The following DPYD variants were observed in gnomAD, a reference collection of about 807,000 sequenced individuals.
DPYD encodes the protein dihydropyrimidine dehydrogenase.
Under a neutral mutation model 116.2 loss-of-function variants are expected in DPYD, and 109 were observed. The ratio of observed to expected loss-of-function variants is 0.94; its 90% CI spans 0.80 to 1.10. The LOEUF is 1.10. DPYD is among the 50% of genes least tolerant of loss of function. The probability of loss-of-function intolerance (pLI) is 0.00; values close to 1 mark genes in which losing one functional copy is unlikely to be tolerated. For synonymous variants in DPYD, 440 were observed against 432.0 expected (o/e 1.02, Z -0.23); for missense variants, 1,302 against 1,254.5 (o/e 1.04, Z -0.57).
In DPYD at chr1:97,546,264, A is replaced by G. The variant is rs537263611; in HGVS notation, c.1524+3296T>C. ...CAAGAAAACTGCTAAATCAAAAAAA[A>G]AGAAACCTTTAAAAAAAAAAACCTG... On this transcript the variant is annotated intron_variant, in intron 12 of 22. Transcript: ENST00000370192. The G allele has an allele frequency of 1.5e-5, 23 of 1,484,064 alleles. No homozygotes were observed. The East Asian group carries it at 4.3e-4, about 28-fold the overall frequency. 91.9% of individuals were successfully genotyped at this position (1,484,064 alleles called of 1,614,324 possible).
At chr1:97,710,249 T>C (rs1309535316) in intron 5 of DPYD, among the ~76,000 whole-genome samples, 1 of 151,832 alleles carries the variant, frequency 6.6e-6, no homozygotes, top group Non-Finnish European at 1.5e-5. Context: ...AAATTGCTAT[T>C]TGTGCATCCA....
intron 19 of DPYD, among the ~76,000 whole-genome samples, chr1:97,230,638 T>C (rs925932179): frequency 3.9e-5 from 6 of 151,944 alleles, no homozygotes; most frequent in African/African-American, 1.5e-4. Context: ...AATAAAAGTT[T>C]AAAAAAAGAA....
At chr1:97,424,547 C>T (rs981060722) in intron 14 of DPYD, among the ~76,000 whole-genome samples, 2 of 152,052 alleles carry the variant, frequency 1.3e-5, no homozygotes, top group African/African-American at 4.8e-5. Flanking sequence ...AAAATGAACA[C>T]TGATTATAGT....
At chr1:97,236,822 AAT>A (rs1661965658) in intron 18 of DPYD, among the ~76,000 whole-genome samples, 1 of 152,210 alleles carries the variant, frequency 6.6e-6, no homozygotes, top group Non-Finnish European at 1.5e-5. Context: ...GAATGTTGAT[AAT>A]GAGGGAGGTC....
chr1:97,257,086 A>G (rs1269360652), intron 18 of DPYD, among the ~76,000 whole-genome samples: 3 of 152,086 alleles, frequency 2.0e-5, no homozygotes, highest in African/African-American at 7.2e-5. Context: ...TTAACATACC[A>G]CAATGGAAAG....
At chr1:97,483,252 T>G (rs1678423253) in intron 13 of DPYD, among the ~76,000 whole-genome samples, 1 of 152,210 alleles carries the variant, frequency 6.6e-6, no homozygotes, top group Non-Finnish European at 1.5e-5. Flanking sequence ...CCTATCAGAA[T>G]TTCTTTTTGG....
intron 3 of DPYD, among the ~76,000 whole-genome samples, chr1:97,766,575 T>C (rs1557944918): frequency 6.6e-6 from 1 of 152,178 alleles, no homozygotes; most frequent in East Asian, 1.9e-4. Context: ...GTAAAACCCT[T>C]TGTTAACACC....
At chr1:97,862,059 T>C (rs1050734131) in intron 2 of DPYD, among the ~76,000 whole-genome samples, 2 of 151,822 alleles carry the variant, frequency 1.3e-5, no homozygotes, top group Non-Finnish European at 2.9e-5. Flanking sequence ...ATCACTGACT[T>C]AGAAAATTAG....
At chr1:97,415,401 C>T (rs572246830) in intron 14 of DPYD, among the ~76,000 whole-genome samples, 2 of 152,282 alleles carry the variant, frequency 1.3e-5, no homozygotes, top group African/African-American at 2.4e-5. Flanking sequence ...AGTCTCGGCT[C>T]ACTGCAGCCT....
At chr1:97,440,204 T>C (rs1675694530) in intron 14 of DPYD, among the ~76,000 whole-genome samples, 1 of 148,462 alleles carries the variant, frequency 6.7e-6, no homozygotes, top group African/African-American at 2.5e-5. Context: ...GCAAAAGTTG[T>C]GGTGAGCCAA....
At chr1:97,903,521 T>C (rs888805172) in intron 1 of DPYD, among the ~76,000 whole-genome samples, 4 of 151,916 alleles carry the variant, frequency 2.6e-5, no homozygotes, top group African/African-American at 9.7e-5. Flanking sequence ...AGCAAATCAA[T>C]ATCTAACATG....
chr1:97,144,411 C>T (rs148768645), intron 20 of DPYD, among the ~76,000 whole-genome samples: 23 of 152,308 alleles, frequency 1.5e-4, no homozygotes, highest in East Asian at 3.9e-4. Context: ...TCATTCTACA[C>T]GAAAAGTTCA....
chr1:97,774,123 T>C (rs1666279956), intron 3 of DPYD, among the ~76,000 whole-genome samples: 1 of 152,258 alleles, frequency 6.6e-6, no homozygotes, highest in East Asian at 1.9e-4. Context: ...GGTTTGAGCT[T>C]TGGGACAATG....
chr1:97,633,189 T>C (rs1156886286), intron 8 of DPYD, among the ~76,000 whole-genome samples: 1 of 152,086 alleles, frequency 6.6e-6, no homozygotes, highest in Non-Finnish European at 1.5e-5. Flanking sequence ...AGATAGGATA[T>C]GACAACAATA....
At chr1:97,144,641 A>G (rs1219014535) in intron 20 of DPYD, among the ~76,000 whole-genome samples, 1 of 152,152 alleles carries the variant, frequency 6.6e-6, no homozygotes, top group Non-Finnish European at 1.5e-5. Flanking sequence ...GGGTTGTTGG[A>G]ATTTTTCTTG....
chr1:97,748,587 C>T (rs1386395451), intron 3 of DPYD, among the ~76,000 whole-genome samples: 3 of 151,990 alleles, frequency 2.0e-5, no homozygotes, highest in South Asian at 2.1e-4. Flanking sequence ...CCAGCCTGGG[C>T]GACAGAGCAA....
chr1:97,745,878 CCATCTCTTGATGA>C (rs764083337), intron 3 of DPYD, among the ~76,000 whole-genome samples: 15 of 151,994 alleles, frequency 9.9e-5, no homozygotes, highest in Admixed American at 2.0e-4. Flanking sequence ...TCTAGTGACC[CCATCTCTTGATGA>C]CATCAGTGCC....
chr1:97,821,033 T>C (rs1668899478), intron 3 of DPYD, among the ~76,000 whole-genome samples: 2 of 152,046 alleles, frequency 1.3e-5, no homozygotes, highest in Admixed American at 6.6e-5. Flanking sequence ...CATATATCTA[T>C]TACCCATAGC....
intron 20 of DPYD, among the ~76,000 whole-genome samples, chr1:97,131,292 CTT>C (rs1214224204): frequency 6.6e-6 from 1 of 152,114 alleles, no homozygotes; most frequent in African/African-American, 2.4e-5. Flanking sequence ...TATTCCCTAA[CTT>C]GAGGTAAAAA....
Sources: gnomAD v4.1 joint callset for allele counts (sites outside exome capture counted in the v4.1 genomes callset) on GRCh38, gnomAD v4.1.1 for gene constraint, MANE v1.5 for transcripts, NCBI Gene and HGNC (gene_info 2026-07-23, HGNC 2026-07-21) for gene names.